The following ANKRD12 variants were observed in gnomAD, a reference collection of about 807,000 sequenced individuals.
The protein encoded by ANKRD12 is ankyrin repeat domain-containing protein 12.
ANKRD12 carries 85 observed loss-of-function variants against 183.4 expected under a neutral mutation model. The observed-to-expected ratio is 0.46, with a 90% CI of 0.39 to 0.56. The LOEUF (loss-of-function observed/expected upper bound fraction) is 0.56, where lower values mean the gene tolerates loss of function less well. Among genes scored for constraint, ANKRD12 ranks in the 20% least tolerant of loss-of-function variants. The probability of loss-of-function intolerance (pLI) is 0.00; values close to 1 mark genes in which losing one functional copy is unlikely to be tolerated. For synonymous variants in ANKRD12, 914 were observed against 800.2 expected, an observed-to-expected ratio of 1.14 and a Z score of -2.40; for missense variants, 2,405 against 2,357.1, an observed-to-expected ratio of 1.02 and a Z score of -0.42.
chr18:9,141,925 T>TTTTG (rs982164483), intron 1 of ANKRD12, among the ~76,000 whole-genome samples: 1 of 152,132 alleles, frequency 6.6e-6, no homozygotes, highest in Admixed American at 6.5e-5. Context: ...ATAGTGGGTT[T>TTTTG]TTTGTTTGTT....
At chr18:9,157,816 A>G (rs1249523687) in intron 1 of ANKRD12, among the ~76,000 whole-genome samples, 1 of 152,084 alleles carries the variant, frequency 6.6e-6, no homozygotes, top group Admixed American at 6.6e-5. Flanking sequence ...AATGATTGCC[A>G]CAGCAGAAAA....
At chr18:9,251,771 C>T (rs926206974) in intron 8 of ANKRD12, among the ~76,000 whole-genome samples, 1 of 151,776 alleles carries the variant, frequency 6.6e-6, no homozygotes, top group East Asian at 1.9e-4. Context: ...TCCACCTGGG[C>T]GACGGAGCGA....
intron 3 of ANKRD12, among the ~76,000 whole-genome samples, chr18:9,199,922 ACTTC>A (rs1445672865): frequency 6.6e-6 from 1 of 152,138 alleles, no homozygotes; most frequent in Non-Finnish European, 1.5e-5. Flanking sequence ...GGTATTTATT[ACTTC>A]CTTCTTGGTC....
intron 10 of ANKRD12, among the ~76,000 whole-genome samples, chr18:9,271,954 A>G (rs1007293294): frequency 1.3e-4 from 20 of 152,176 alleles, no homozygotes; most frequent in African/African-American, 4.8e-4. Flanking sequence ...TTCAAGGGTC[A>G]TTTTCCCCAC....
intron 1 of ANKRD12, among the ~76,000 whole-genome samples, chr18:9,172,115 G>A (rs753092861): frequency 6.0e-5 from 9 of 151,090 alleles, no homozygotes; most frequent in Non-Finnish European, 1.2e-4. Context: ...TTAGTCTGAT[G>A]TGTTTCCCTT....
intron 8 of ANKRD12, among the ~76,000 whole-genome samples, chr18:9,242,267 T>C (rs868150376): frequency 1.2e-4 from 18 of 152,330 alleles, no homozygotes; most frequent in Middle Eastern, 3.4e-3. Flanking sequence ...ATAGGTTTTT[T>C]GTTTAAAATA....
intron 3 of ANKRD12, chr18:9,200,381 C>T (rs1178121637): frequency 6.6e-6 from 1 of 152,116 alleles, no homozygotes; most frequent in Admixed American, 6.5e-5. Flanking sequence ...GAATATTAAG[C>T]CAATGTATAC....
chr18:9,256,976 A>G lies in ANKRD12; in HGVS notation c.3709A>G (p.Ser1237Gly). The change falls in exon 9 of 13, where the codon AGT (serine) becomes GGT (glycine). Residue 1237 changes from serine to glycine, a missense_variant. Ser to Gly is a moderately conservative substitution (Grantham distance 56). Coordinates refer to ENST00000262126, the MANE Select transcript of ANKRD12 (RefSeq NM_015208.5). Reference sequence around the variant, plus strand: ...GTATGACTCTGACTTTATGTTAGAGAGTTCAGAATCCCAAATGTCCTTTTC... The same window carrying G: ...GTATGACTCTGACTTTATGTTAGAGGGTTCAGAATCCCAAATGTCCTTTTC... The part of the protein sequence containing the change: ...VEYDSDFMLE[S>G]SESQMSFSQS... 1.2e-6 allele frequency: 2 copies of G among 1,614,086 alleles called. No individual in the cohort carries two copies. Among genetic ancestry groups the G allele is most frequent in the Non-Finnish European group, 1.7e-6 (2 of 1,179,984 alleles).
chr18:9,273,480 T>C (rs1173792677), intron 10 of ANKRD12, among the ~76,000 whole-genome samples: 1 of 152,108 alleles, frequency 6.6e-6, no homozygotes, highest in Admixed American at 6.5e-5. Context: ...AAAAGACATA[T>C]GTAACAAGTG....
Position 9,281,390 on chromosome 18 carries a change from G to A in ANKRD12, c.*264G>A. Reference sequence around the variant, plus strand: ...TTAGAGCATGTTGGCAGACTGGTAGGTATTTAAAAAGTTGAGAATCTGCTA... The same window carrying A: ...TTAGAGCATGTTGGCAGACTGGTAGATATTTAAAAAGTTGAGAATCTGCTA... On this transcript the variant is annotated 3_prime_UTR_variant, in exon 13 of 13. Coordinates refer to ENST00000262126, the MANE Select transcript of ANKRD12 (RefSeq NM_015208.5). 1 of 255,172 alleles carries A rather than the reference G, an allele frequency of 3.9e-6. No homozygotes were observed. Among genetic ancestry groups the A allele is most frequent in the East Asian group, 8.3e-5 (1 of 12,004 alleles). The allele number at this position is 255,172 out of a possible 1,614,324, so 15.8% of individuals were successfully genotyped here. A position where few individuals can be genotyped will look rare whatever the true frequency, so the allele number is the denominator to read the frequency against.
intron 2 of ANKRD12, among the ~76,000 whole-genome samples, chr18:9,187,842 T>C (rs954217955): frequency 6.6e-6 from 1 of 152,252 alleles, no homozygotes; most frequent in African/African-American, 2.4e-5. Flanking sequence ...TTAATTATTT[T>C]AACCATCTGA....
intron 3 of ANKRD12, 69 bp downstream of exon 3, chr18:9,195,767 A>T: frequency 7.0e-7 from 1 of 1,438,368 alleles, no homozygotes; most frequent in Non-Finnish European, 9.5e-7. Context: ...TTTCTTGTAC[A>T]CCACTCCTCT....
chr18:9,197,314 A>G (rs1277207298), intron 3 of ANKRD12, among the ~76,000 whole-genome samples: 1 of 152,140 alleles, frequency 6.6e-6, no homozygotes, highest in Non-Finnish European at 1.5e-5. Context: ...TTTAGTTGGG[A>G]TATCGCAGCT....
chr18:9,169,926 A>T, intron 1 of ANKRD12, among the ~76,000 whole-genome samples: 1 of 152,176 alleles, frequency 6.6e-6, no homozygotes, highest in East Asian at 1.9e-4. Flanking sequence ...AAAATCTCTC[A>T]GCATTTGCTT....
intron 3 of ANKRD12, among the ~76,000 whole-genome samples, chr18:9,203,195 ATT>A (rs2035276141): frequency 6.6e-6 from 1 of 152,142 alleles, no homozygotes; most frequent in Admixed American, 6.5e-5. Context: ...CATTCAGCCC[ATT>A]TACCTGTTTA....
chr18:9,175,568 T>C (rs7228910), intron 1 of ANKRD12, among the ~76,000 whole-genome samples: 105,570 of 133,404 alleles, frequency 0.79, 41,818 homozygotes, highest in Middle Eastern at 0.88. Flanking sequence ...GTCTCTGTCA[T>C]GCAGGCTGGA....
intron 6 of ANKRD12, among the ~76,000 whole-genome samples, chr18:9,212,685 G>T (rs1412130151): frequency 6.6e-6 from 1 of 150,576 alleles, no homozygotes; most frequent in Admixed American, 6.6e-5. Flanking sequence ...AATGGAAATT[G>T]CCCCCCCCAA....
At chr18:9,276,056 C>T (rs904847155) in intron 11 of ANKRD12, among the ~76,000 whole-genome samples, 3 of 152,142 alleles carry the variant, frequency 2.0e-5, no homozygotes, top group African/African-American at 4.8e-5. Context: ...AAAAACAGAG[C>T]GAGTCTTCTG....
intron 10 of ANKRD12, among the ~76,000 whole-genome samples, chr18:9,267,376 G>A (rs2039354481): frequency 6.6e-6 from 1 of 152,102 alleles, no homozygotes; most frequent in Non-Finnish European, 1.5e-5. Flanking sequence ...TGGAAGTAAA[G>A]CACTCCTCAG....
Sources: gnomAD v4.1 joint callset for allele counts (sites outside exome capture counted in the v4.1 genomes callset) on GRCh38, gnomAD v4.1.1 for gene constraint, MANE v1.5 for transcripts, NCBI Gene and HGNC (gene_info 2026-07-23, HGNC 2026-07-21) for gene names.